Variants in GPC5 observed in about 807,000 individuals in gnomAD.
The protein encoded by GPC5 is glypican 5.
In GPC5, 47 loss-of-function variants were observed where a neutral mutation model predicts 53.9. The observed-to-expected ratio is 0.87, with a 90% confidence interval of 0.69 to 1.11. The LOEUF (loss-of-function observed/expected upper bound fraction) is 1.11. GPC5 is among the 50% of genes most tolerant of loss of function. The probability of loss-of-function intolerance (pLI) is 0.00; values close to 1 mark genes in which losing one functional copy is unlikely to be tolerated. For missense variants in GPC5, 748 were observed against 713.1 expected, an observed-to-expected ratio of 1.05 and a Z score of -0.56; for synonymous variants, 286 against 263.3, an observed-to-expected ratio of 1.09 and a Z score of -0.84.
At chr13:91,684,236 A>G (rs568834189) in intron 2 of GPC5, among the ~76,000 whole-genome samples, 13 of 152,256 alleles carry the variant, frequency 8.5e-5, no homozygotes, top group Admixed American at 3.9e-4. Context: ...TATTTCATCC[A>G]GCACCATAAC....
At chr13:91,674,976 T>C (rs1455119979) in intron 2 of GPC5, among the ~76,000 whole-genome samples, 3 of 151,990 alleles carry the variant, frequency 2.0e-5, no homozygotes, top group Admixed American at 6.6e-5. Context: ...TCCCTTTTTT[T>C]TCTCATCTAG....
chr13:92,656,496 C>T (rs1326304159), intron 7 of GPC5, among the ~76,000 whole-genome samples: 4 of 152,150 alleles, frequency 2.6e-5, no homozygotes, highest in Non-Finnish European at 5.9e-5. Flanking sequence ...GGGCAGGGCC[C>T]AGGTACACAA....
In GPC5 at chr13:91,571,973, GTATATATGTA is replaced by G. The variant is rs2031877299; in HGVS notation, c.326-121208_326-121199del. Among the ~76,000 whole-genome samples the G allele has an allele frequency of 4.4e-5, 6 of 136,132 alleles. 1 individual carries two copies. The South Asian group carries it at 1.3e-3, about 30-fold the overall frequency. 89.3% of individuals were successfully genotyped at this position (136,132 alleles called of 152,430 possible). On this transcript the variant is annotated intron_variant, in intron 2 of 7. Coordinates refer to ENST00000377067, the MANE Select transcript of GPC5 (RefSeq NM_004466.6). ...TATACACACATATATGTATATATGT[GTATATATGTA>G]TATATGTGTATATGTGTATATATGC...
At chr13:92,305,358 T>A (rs1443448529) in intron 7 of GPC5, among the ~76,000 whole-genome samples, 2 of 152,164 alleles carry the variant, frequency 1.3e-5, no homozygotes, top group Non-Finnish European at 2.9e-5. Context: ...GAGGAAAAAG[T>A]CTCAAATACC....
chr13:92,438,098 T>C (rs943746007), intron 7 of GPC5, among the ~76,000 whole-genome samples: 6 of 151,986 alleles, frequency 3.9e-5, no homozygotes, highest in South Asian at 2.1e-4. Context: ...GTGGTGGTCA[T>C]TGGGAGTCAT....
chr13:92,774,065 C>A (rs1349441611), intron 7 of GPC5, among the ~76,000 whole-genome samples: 1 of 152,206 alleles, frequency 6.6e-6, no homozygotes, highest in Non-Finnish European at 1.5e-5. Context: ...GATTCAATTA[C>A]CTCCCACCAC....
chr13:91,894,132 C>T (rs148362460), intron 5 of GPC5, among the ~76,000 whole-genome samples: 101 of 152,180 alleles, frequency 6.6e-4, no homozygotes, highest in Middle Eastern at 3.4e-3. Context: ...TGTTCCATCA[C>T]CCTAAGCAAT....
At chr13:92,753,341 A>G (rs1187576482) in intron 7 of GPC5, among the ~76,000 whole-genome samples, 1 of 152,198 alleles carries the variant, frequency 6.6e-6, no homozygotes, top group African/African-American at 2.4e-5. Context: ...CATCACCATC[A>G]TCAAAGACCA....
At chr13:92,326,825 T>G (rs2043254731) in intron 7 of GPC5, among the ~76,000 whole-genome samples, 1 of 152,156 alleles carries the variant, frequency 6.6e-6, no homozygotes, top group Non-Finnish European at 1.5e-5. Flanking sequence ...TCTTTTTCTA[T>G]TTACTTCCCC....
intron 7 of GPC5, among the ~76,000 whole-genome samples, chr13:92,581,311 T>C (rs1244568489): frequency 6.6e-6 from 1 of 152,182 alleles, no homozygotes; most frequent in Non-Finnish European, 1.5e-5. Flanking sequence ...GTAAGCAAGA[T>C]CATGTGGTAT....
chr13:92,473,808 G>T (rs1409932306), intron 7 of GPC5, among the ~76,000 whole-genome samples: 2 of 152,038 alleles, frequency 1.3e-5, no homozygotes, highest in African/African-American at 4.8e-5. Context: ...TAAGGAAATG[G>T]CCAGGAAAAA....
At chr13:92,052,951 A>G (rs895542974) in intron 6 of GPC5, among the ~76,000 whole-genome samples, 8 of 152,256 alleles carry the variant, frequency 5.3e-5, no homozygotes, top group Admixed American at 4.6e-4. Flanking sequence ...CACCCCTCCT[A>G]GGTTTCCAGC....
At chr13:91,647,004 T>C (rs979468592) in intron 2 of GPC5, among the ~76,000 whole-genome samples, 1 of 151,894 alleles carries the variant, frequency 6.6e-6, no homozygotes, top group Non-Finnish European at 1.5e-5. Context: ...AAATAAGATA[T>C]TAAAACAAGG....
intron 2 of GPC5, among the ~76,000 whole-genome samples, chr13:91,633,801 G>A (rs1371043401): frequency 6.6e-6 from 1 of 152,098 alleles, no homozygotes; most frequent in Non-Finnish European, 1.5e-5. Context: ...ACTAGAGTAA[G>A]AATTTGAGTC....
chr13:91,902,738 A>T (rs1181594978), intron 5 of GPC5, among the ~76,000 whole-genome samples: 1 of 152,062 alleles, frequency 6.6e-6, no homozygotes, highest in Non-Finnish European at 1.5e-5. Flanking sequence ...TATTGGTTAC[A>T]AAAAAATTTA....
intron 6 of GPC5, among the ~76,000 whole-genome samples, chr13:92,023,694 ACTCT>A (rs5805724): frequency 0.26 from 39,095 of 147,640 alleles, 5,471 homozygotes; most frequent in Non-Finnish European, 0.31. Context: ...ACACACACAC[ACTCT>A]CTCTCTCTCT....
chr13:91,768,436 T>C (rs1434489892), intron 5 of GPC5, among the ~76,000 whole-genome samples: 1 of 152,232 alleles, frequency 6.6e-6, no homozygotes, highest in Non-Finnish European at 1.5e-5. Flanking sequence ...GCTGCAATTA[T>C]GTATAAAACT....
chr13:92,866,359 G>C lies in GPC5; in HGVS notation c.1639G>C (p.Gly547Arg), dbSNP rs775889340. 3.3e-5 allele frequency: 54 copies of C among 1,612,996 alleles called. No homozygotes were observed. The highest frequency in any genetic ancestry group is 4.2e-5 in the Non-Finnish European group (50 of 1,179,332). The change falls in exon 8 of 8, where the codon GGA becomes CGA. Residue 547 changes from glycine (G) to arginine (R), a missense_variant. Transcript: ENST00000377067. ...TDTGSTLDTT[G>R]AGCAVATESM... is the part of the protein sequence containing the mutation. ...CACTGGCAGTACTTTAGACACAACA[G>C]GAGCAGGATGTGCAGTGGCGACTGA...
intron 7 of GPC5, among the ~76,000 whole-genome samples, chr13:92,578,342 T>C (rs1883253116): frequency 6.6e-6 from 1 of 152,158 alleles, no homozygotes; most frequent in African/African-American, 2.4e-5. Flanking sequence ...AATAGGATGG[T>C]GTATTAATCA....
Sources: gnomAD v4.1 joint callset for allele counts (sites outside exome capture counted in the v4.1 genomes callset) on GRCh38, gnomAD v4.1.1 for gene constraint, MANE v1.5 for transcripts, NCBI Gene and HGNC (gene_info 2026-07-23, HGNC 2026-07-21) for gene names.